MERTK: variants seen among roughly 807,000 people sequenced by gnomAD.
MERTK encodes tyrosine-protein kinase Mer.
In MERTK, 69 loss-of-function variants were observed where a neutral mutation model predicts 99.3. The ratio of observed to expected loss-of-function variants is 0.70; its 90% CI spans 0.57 to 0.85. The LOEUF (loss-of-function observed/expected upper bound fraction) is 0.85, where lower values mean the gene tolerates loss of function less well. Among genes scored for constraint, MERTK ranks in the 40% least tolerant of loss-of-function variants. MERTK has a pLI of 0.00. For synonymous variants in MERTK, 426 were observed against 467.6 expected (o/e 0.91, Z 1.15); for missense variants, 1,125 against 1,249.4 (o/e 0.90, Z 1.50).
At chr2:111,976,522 C>CTGTGTGTGTGTG (rs70962971) in intron 7 of MERTK, among the ~76,000 whole-genome samples, 13 of 136,790 alleles carry the variant, frequency 9.5e-5, no homozygotes, top group South Asian at 2.4e-4. Flanking sequence ...TGACAAAAAC[C>CTGTGTGTGTGTG]TGTGTGTGTG....
chr2:112,020,946 C>A (rs1246396822), intron 16 of MERTK, among the ~76,000 whole-genome samples: 3 of 151,668 alleles, frequency 2.0e-5, no homozygotes, highest in Admixed American at 6.6e-5. Context: ...GTAATCCCAG[C>A]ACTTTGGAAT....
chr2:112,029,474 AC>A lies in MERTK; in HGVS notation c.*612del. 2.8e-6 allele frequency: 1 copy of A among 359,762 alleles called. No individual in the cohort carries two copies. Among genetic ancestry groups the A allele is most frequent in the Non-Finnish European group, 3.9e-6 (1 of 257,964 alleles). 22.3% of individuals were successfully genotyped at this position (359,762 alleles called of 1,614,324 possible). On this transcript the variant is annotated 3_prime_UTR_variant, in exon 19 of 19. Coordinates refer to ENST00000295408, the MANE Select transcript of MERTK (RefSeq NM_006343.3). ...CCTGGTCCTTGGGGCAATTGCTCTGACCATTCTTGGCATTGCTTTATAGAGA... is the reference window on the plus strand; with the variant it reads ...CCTGGTCCTTGGGGCAATTGCTCTGACATTCTTGGCATTGCTTTATAGAGA...
At position 112,022,258 on chromosome 2, in the gene MERTK, T is replaced by G. The variant is rs1677366509; in HGVS notation, c.2350T>G (p.Trp784Gly). 1 of 1,614,222 alleles carries G rather than the reference T, an allele frequency of 6.2e-7. No homozygotes were observed. Among genetic ancestry groups the G allele is most frequent in the Non-Finnish European group, 8.5e-7 (1 of 1,180,034 alleles). ...DRVYTSKSDV[W>G]AFGVTMWEIA... ...TAACTTGTTGTTGCTTTGTTCCCAG[T>G]GGGCATTTGGCGTGACCATGTGGGA... is the stretch of plus-strand genomic sequence containing the variant. The change falls in exon 18 of 19, where the codon TGG becomes GGG. Residue 784 changes from tryptophan to glycine, a missense_variant and splice_region_variant. Physicochemically the swap from Trp to Gly is radical, Grantham distance 184 (BLOSUM62 -2). Coordinates refer to ENST00000295408, the MANE Select transcript of MERTK (RefSeq NM_006343.3).
chr2:112,005,071 C>T (rs952053992), intron 13 of MERTK, among the ~76,000 whole-genome samples: 1 of 149,098 alleles, frequency 6.7e-6, no homozygotes, highest in African/African-American at 2.5e-5. Context: ...CAAATACTTT[C>T]TTTTTTTTTT....
chr2:111,956,300 G>C (rs1280493259), intron 4 of MERTK, among the ~76,000 whole-genome samples: 1 of 152,054 alleles, frequency 6.6e-6, no homozygotes, highest in Non-Finnish European at 1.5e-5. Flanking sequence ...CTTGGTACCA[G>C]GATTGCCTAT....
At chr2:111,967,507 T>C (rs1462589846) in intron 5 of MERTK, among the ~76,000 whole-genome samples, 1 of 152,174 alleles carries the variant, frequency 6.6e-6, no homozygotes, top group Admixed American at 6.5e-5. Flanking sequence ...CCCATCTGTT[T>C]CCAAGGTCAT....
intron 4 of MERTK, among the ~76,000 whole-genome samples, chr2:111,958,381 T>C (rs1460510554): frequency 1.3e-5 from 2 of 152,220 alleles, no homozygotes; most frequent in Non-Finnish European, 2.9e-5. Flanking sequence ...TCCAGGCTTA[T>C]AAACGAGTGT....
At chr2:111,976,522 CTGTGTGTGTGTGTGTGTGTGTG>C (rs70962971) in intron 7 of MERTK, among the ~76,000 whole-genome samples, 3,168 of 136,794 alleles carry the variant, frequency 0.023, 47 homozygotes, top group Non-Finnish European at 0.032. Context: ...TGACAAAAAC[CTGTGTGTGTGTGTGTGTGTGTG>C]TGTGTGTGTG....
chr2:111,968,047 G>A, intron 5 of MERTK, 90 bp from the exon 6 acceptor site: 2 of 905,656 alleles, frequency 2.2e-6, no homozygotes, highest in South Asian at 2.7e-5. Flanking sequence ...AACGAAAACA[G>A]GTATTAATGC....
chr2:112,017,048 A>G (rs1180598997), intron 15 of MERTK, among the ~76,000 whole-genome samples: 1 of 152,190 alleles, frequency 6.6e-6, no homozygotes, highest in Non-Finnish European at 1.5e-5. Flanking sequence ...AAGCTTCTAC[A>G]GTGTGGAAGG....
intron 6 of MERTK, among the ~76,000 whole-genome samples, chr2:111,970,599 T>G (rs573636034): frequency 6.6e-6 from 1 of 152,352 alleles, no homozygotes; most frequent in African/African-American, 2.4e-5. Flanking sequence ...TGTAGTTTTC[T>G]TGTGGTAGCT....
At chr2:111,987,245 G>A (rs1676498151) in intron 8 of MERTK, among the ~76,000 whole-genome samples, 4 of 152,180 alleles carry the variant, frequency 2.6e-5, no homozygotes, top group Admixed American at 2.0e-4. Context: ...GCTTATCGCA[G>A]CTACACAGAA....
rs574293178 is a variant in MERTK, at chr2:111,960,908, A to G, written c.758-4283A>G. Among the ~76,000 whole-genome samples, 18 of 151,810 alleles carry G rather than the reference A, an allele frequency of 1.2e-4. 1 individual carries two copies. The highest frequency in any genetic ancestry group is 4.3e-4 in the African/African-American group (18 of 41,394). ...GTGTCAGAGTCCACGTATATTTTTC[A>G]AAATTCTCTAGGAGTAATACAAGCA... On this transcript the variant is annotated intron_variant, in intron 4 of 18. Transcript: ENST00000295408.
At chr2:112,004,437 G>C (rs1394972161) in intron 13 of MERTK, among the ~76,000 whole-genome samples, 1 of 152,148 alleles carries the variant, frequency 6.6e-6, no homozygotes, top group Non-Finnish European at 1.5e-5. Flanking sequence ...GAAGCTGCGG[G>C]CTGCCTGGCA....
intron 15 of MERTK, among the ~76,000 whole-genome samples, chr2:112,011,227 A>T (rs1358425223): frequency 6.6e-6 from 1 of 152,216 alleles, no homozygotes; most frequent in Non-Finnish European, 1.5e-5. Flanking sequence ...ATGAGTCCAC[A>T]GGATGAAAGT....
chr2:111,914,476 A>G (rs181370936), intron 1 of MERTK, among the ~76,000 whole-genome samples: 103 of 152,180 alleles, frequency 6.8e-4, no homozygotes, highest in African/African-American at 2.4e-3. Context: ...ACAGGGTTTC[A>G]CCATGTTGGC....
At chr2:112,005,129 G>A (rs1355704288) in intron 13 of MERTK, among the ~76,000 whole-genome samples, 7 of 151,684 alleles carry the variant, frequency 4.6e-5, no homozygotes, top group Non-Finnish European at 8.8e-5. Context: ...GTGCAGTGGC[G>A]CCATCTTGGC....
intron 7 of MERTK, among the ~76,000 whole-genome samples, chr2:111,978,125 T>C (rs1676291205): frequency 6.6e-6 from 1 of 150,670 alleles, no homozygotes; most frequent in African/African-American, 2.5e-5. Context: ...TTGGTTTTTT[T>C]TTTTATGTTT....
chr2:112,022,637 G>A (rs975726775), intron 18 of MERTK: 12 of 738,138 alleles, frequency 1.6e-5, no homozygotes, highest in South Asian at 2.7e-5. Flanking sequence ...AGTCTCGAAC[G>A]ACAGGCACGG....
Sources: gnomAD v4.1 joint callset for allele counts (sites outside exome capture counted in the v4.1 genomes callset) on GRCh38, gnomAD v4.1.1 for gene constraint, MANE v1.5 for transcripts, NCBI Gene and HGNC (gene_info 2026-07-23, HGNC 2026-07-21) for gene names.